Variants in ZFYVE27 observed in about 807,000 individuals in gnomAD.
ZFYVE27 encodes the protein zinc finger FYVE-type containing 27.
A neutral mutation model predicts 52.8 loss-of-function variants in ZFYVE27; 36 were observed. The ratio of observed to expected loss-of-function variants is 0.68; its 90% confidence interval spans 0.52 to 0.90. The LOEUF (loss-of-function observed/expected upper bound fraction) is 0.90. ZFYVE27 is among the 40% of genes least tolerant of loss of function. ZFYVE27 has a pLI of 0.00. For synonymous variants in ZFYVE27, 223 were observed against 215.6 expected (o/e 1.03, Z -0.30); for missense variants, 450 against 527.2 (o/e 0.85, Z 1.43).
intron 10 of ZFYVE27, among the ~76,000 whole-genome samples, chr10:97,755,454 G>A (rs905319113): frequency 1.4e-4 from 21 of 152,340 alleles, no homozygotes; most frequent in Admixed American, 1.2e-3. Flanking sequence ...ATCAGGTTCT[G>A]GTGAGGTCCA....
chr10:97,738,539 C>G lies in ZFYVE27; in HGVS notation c.62C>G (p.Ala21Gly). 3.1e-6 allele frequency: 5 copies of G among 1,614,172 alleles called. No individual in the cohort carries two copies. The highest frequency in any genetic ancestry group is 1.1e-5 in the South Asian group (1 of 91,080). Residue 21 changes from alanine (A) to glycine (G), a missense_variant, in exon 2 of 13, where the codon GCT becomes GGT. Transcript: ENST00000684270. Reference protein sequence around the residue: ...PELSPSVMPEAPLESPPFPTK... With the variant: ...PELSPSVMPEGPLESPPFPTK... ...CTGAGCCCCAGCGTGATGCCCGAGG[C>G]TCCCCTGGAGTCTCCACCTTTTCCT...
intron 5 of ZFYVE27, 103 bp from the exon 6 acceptor site, chr10:97,749,371 C>A: frequency 1.2e-6 from 1 of 849,360 alleles, no homozygotes; most frequent in Non-Finnish European, 2.0e-6. Flanking sequence ...TATTAATGTG[C>A]CCAGAGCTGT....
chr10:97,750,995 G>A (rs1432422831), intron 7 of ZFYVE27, among the ~76,000 whole-genome samples: 4 of 152,098 alleles, frequency 2.6e-5, no homozygotes, highest in Admixed American at 1.3e-4. Context: ...TGCCTGCCTC[G>A]GCCTCCCAAA....
At position 97,749,532 on chromosome 10, in the gene ZFYVE27, G is replaced by A; in HGVS notation, c.610G>A (p.Val204Ile). 6.2e-7 allele frequency: 1 copy of A among 1,614,178 alleles called. No individual in the cohort carries two copies. The change falls in exon 6 of 13, where the codon GTT becomes ATT. Residue 204 changes from valine (V) to isoleucine (I), a missense_variant. Physicochemically the swap from Val to Ile is conservative, Grantham distance 29. Coordinates refer to ENST00000684270, the MANE Select transcript of ZFYVE27 (RefSeq NM_001385875.1). ...CMLYLLPLCW[V>I]LTLLNSTLFL... is the part of the protein sequence containing the mutation. Reference sequence around the variant, plus strand: ...GCTGTATTTGCTGCCACTCTGCTGGGTTCTCACCCTTTTAAACAGCACGCT... The same window carrying A: ...GCTGTATTTGCTGCCACTCTGCTGGATTCTCACCCTTTTAAACAGCACGCT...
chr10:97,749,672 A>G, intron 6 of ZFYVE27, 86 bp downstream of exon 6: 1 of 1,100,594 alleles, frequency 9.1e-7, no homozygotes, highest in Admixed American at 1.7e-5. Context: ...CTCTACAGCT[A>G]ATCATCAGTT....
intron 6 of ZFYVE27, 79 bp downstream of exon 6, chr10:97,749,665 T>C: frequency 8.7e-7 from 1 of 1,152,926 alleles, no homozygotes; most frequent in Non-Finnish European, 1.3e-6. Context: ...CTTCTGTCTC[T>C]ACAGCTAATC....
rs2044156150 is a variant in ZFYVE27 at position 97,742,996 on chromosome 10, C to T, written c.198-98C>T. 2.3e-6 allele frequency: 3 copies of T among 1,311,772 alleles called. No individual in the cohort carries two copies. In the South Asian group the frequency reaches 3.5e-5, roughly 15 times the overall value. The allele number at this position is 1,311,772 out of a possible 1,614,324, so 81.3% of individuals were successfully genotyped here. ...CTCCTTGACCTTCTGTGTTCCAGGCCTCCTCTTCTGGTTTGATGTCCCGTC... is the reference window on the plus strand; with the variant it reads ...CTCCTTGACCTTCTGTGTTCCAGGCTTCCTCTTCTGGTTTGATGTCCCGTC... On this transcript the variant is annotated intron_variant, in intron 2 of 12. Transcript: ENST00000684270.
At position 97,759,009 on chromosome 10, in the gene ZFYVE27, T is replaced by C. The variant is rs141509350; in HGVS notation, c.1172-227T>C. Among the ~76,000 whole-genome samples, 448 of 152,274 alleles carry C rather than the reference T, an allele frequency of 2.9e-3. 3 individuals are homozygous for C. Among genetic ancestry groups the C allele is most frequent in the African/African-American group, 0.01 (418 of 41,538 alleles). On this transcript the variant is annotated intron_variant, in intron 12 of 12. Transcript: ENST00000684270. ...AGGTGTTCTGTTGGTGCCACAATAA[T>C]GTCTAATTCATAGCACAGGAGTGGC...
In ZFYVE27 at chr10:97,738,574, C is replaced by G. The variant is rs1234872348; in HGVS notation, c.97C>G (p.Pro33Ala). 1 of 1,614,224 alleles carries G rather than the reference C, an allele frequency of 6.2e-7. No individual in the cohort carries two copies. Among genetic ancestry groups the G allele is most frequent in the South Asian group, 1.1e-5 (1 of 91,084 alleles). ...LESPPFPTKS[P>A]AFDLFNLVLS... ...GTCTCCACCTTTTCCTACCAAGTCC[C>G]CAGCGTTTGACCTTTTCAACTTGGT... is the stretch of plus-strand genomic sequence containing the variant. The change falls in exon 2 of 13, where the codon CCA (proline) becomes GCA (alanine). Residue 33 changes from proline to alanine, a missense_variant. By Grantham distance (27) the Pro-to-Ala change is conservative (BLOSUM62 -1). Coordinates refer to ENST00000684270, the MANE Select transcript of ZFYVE27 (RefSeq NM_001385875.1).
At chr10:97,758,547 C>T (rs2048995799) in intron 12 of ZFYVE27, among the ~76,000 whole-genome samples, 1 of 152,184 alleles carries the variant, frequency 6.6e-6, no homozygotes, top group South Asian at 2.1e-4. Context: ...GTTTTGAACT[C>T]CTGACCTCAG....
chr10:97,739,706 T>C (rs982683010), intron 2 of ZFYVE27, among the ~76,000 whole-genome samples: 8 of 152,174 alleles, frequency 5.3e-5, no homozygotes, highest in African/African-American at 1.9e-4. Flanking sequence ...GTACTTATTA[T>C]GTCTTTTAAG....
At chr10:97,746,047 ATATATT>A (rs1160201905) in intron 4 of ZFYVE27, among the ~76,000 whole-genome samples, 1,291 of 66,468 alleles carry the variant, frequency 0.019, 20 homozygotes, top group African/African-American at 0.061. Flanking sequence ...ATATATATAT[ATATATT>A]TTTTTTTTTT....
intron 3 of ZFYVE27, among the ~76,000 whole-genome samples, chr10:97,743,530 C>T (rs1023835656): frequency 5.3e-5 from 8 of 152,188 alleles, no homozygotes; most frequent in Admixed American, 3.3e-4. Context: ...TCAGTATTAT[C>T]GTTGTTTCCT....
intron 2 of ZFYVE27, among the ~76,000 whole-genome samples, chr10:97,742,354 G>A (rs1374142780): frequency 1.3e-5 from 2 of 152,108 alleles, no homozygotes; most frequent in Non-Finnish European, 2.9e-5. Flanking sequence ...TCAGCAATCT[G>A]AGTCTCTGGT....
rs539892820 is a variant in ZFYVE27 at position 97,753,187 on chromosome 10, G to A, written c.1042+5G>A. 1.5e-5 allele frequency: 24 copies of A among 1,610,160 alleles called. No individual in the cohort carries two copies. The South Asian group carries it at 1.6e-4, about 10-fold the overall frequency. On this transcript the variant is annotated splice_donor_5th_base_variant and intron_variant, in intron 10 of 12. Transcript: ENST00000684270. ...GCTACCCCACCAACAACTTCGGTGC[G>A]GCCAGGGGACAGGGCTGGGCTGGTG...
intron 10 of ZFYVE27, among the ~76,000 whole-genome samples, chr10:97,755,034 G>A (rs551130540): frequency 1.3e-5 from 2 of 152,300 alleles, no homozygotes; most frequent in South Asian, 2.1e-4. Context: ...GCCCTTGCGT[G>A]TGAAGTCCCT....
At chr10:97,751,363 CCTT>C (rs747655251) in intron 7 of ZFYVE27, 25 bp from the exon 8 acceptor site, 4 of 1,612,820 alleles carry the variant, frequency 2.5e-6, no homozygotes, top group African/African-American at 2.7e-5. Flanking sequence ...CCATCCTTCT[CCTT>C]CTGTCATAGA....
In ZFYVE27 at chr10:97,743,145, G is replaced by C. The variant is rs375088979; in HGVS notation, c.249G>C (p.Leu83Phe). 6.2e-7 allele frequency: 1 copy of C among 1,614,102 alleles called. No individual in the cohort carries two copies. Among genetic ancestry groups the C allele is most frequent in the African/African-American group, 1.3e-5 (1 of 74,922 alleles). The change falls in exon 3 of 13, where the codon TTG becomes TTC. Residue 83 changes from leucine to phenylalanine, a missense_variant. Leu to Phe is a conservative substitution (Grantham distance 22). Coordinates refer to ENST00000684270, the MANE Select transcript of ZFYVE27 (RefSeq NM_001385875.1). ...TGACCTGCCTGGGCCTCAACGTCTT[G>C]TTCCTCACTTTGAATGAGGGTAAGA... Reference protein sequence around the residue: ...SLLTCLGLNVLFLTLNEGAWY... With the variant: ...SLLTCLGLNVFFLTLNEGAWY...
intron 8 of ZFYVE27, 110 bp downstream of exon 8, chr10:97,751,572 C>T (rs2047009367): frequency 1.9e-6 from 2 of 1,066,372 alleles, no homozygotes; most frequent in African/African-American, 1.6e-5. Flanking sequence ...CTAAAACTTG[C>T]TGTGAGCTAG....
Sources: gnomAD v4.1 joint callset for allele counts (sites outside exome capture counted in the v4.1 genomes callset) on GRCh38, gnomAD v4.1.1 for gene constraint, MANE v1.5 for transcripts, NCBI Gene and HGNC (gene_info 2026-07-23, HGNC 2026-07-21) for gene names.